Variants in BAZ2B observed in about 807,000 individuals in gnomAD.
The protein encoded by BAZ2B is bromodomain adjacent to zinc finger domain protein 2B.
Under a neutral mutation model 246.0 loss-of-function variants are expected in BAZ2B, and 91 were observed. The ratio of observed to expected loss-of-function variants is 0.37; its 90% CI spans 0.31 to 0.44. The LOEUF is 0.44. Among genes scored for constraint, BAZ2B ranks in the 20% least tolerant of loss-of-function variants. BAZ2B has a pLI of 1.00. For missense variants in BAZ2B, 2,332 were observed against 2,533.7 expected, an observed-to-expected ratio of 0.92 and a Z score of 1.71; for synonymous variants, 855 against 860.0, an observed-to-expected ratio of 0.99 and a Z score of 0.10.
rs993830295 is a variant in BAZ2B, at chr2:159,406,998, C to T, written c.2678-1884G>A. Among the ~76,000 whole-genome samples, 10 of 152,018 alleles carry T rather than the reference C, an allele frequency of 6.6e-5. No individual in the cohort carries two copies. The South Asian group carries it at 1.9e-3, about 28-fold the overall frequency. ...CTCGATCTCCTGACCTCGTGATTCA[C>T]CTGCCTCGGCCTCCCAAAGTGCTGG... On this transcript the variant is annotated intron_variant, in intron 14 of 36. Coordinates refer to ENST00000392783, the MANE Select transcript of BAZ2B (RefSeq NM_013450.4).
chr2:159,656,752 G>A, the BAZ2B span, among the ~76,000 whole-genome samples: 2 of 152,034 alleles, frequency 1.3e-5, no homozygotes, highest in Non-Finnish European at 2.9e-5. Flanking sequence ...AATGGCATAC[G>A]ATGCTGAGCA....
intron 34 of BAZ2B, among the ~76,000 whole-genome samples, chr2:159,326,181 A>G (rs996092456): frequency 7.9e-5 from 12 of 152,236 alleles, no homozygotes; most frequent in South Asian, 6.2e-4. Context: ...ATTCATCTAC[A>G]GAAGGTGTCT....
At chr2:159,699,324 C>T in the BAZ2B span, among the ~76,000 whole-genome samples, 2 of 152,224 alleles carry the variant, frequency 1.3e-5, no homozygotes, top group East Asian at 1.9e-4. Flanking sequence ...GAGAGGATTG[C>T]TTTAGGCCAG....
intron 14 of BAZ2B, among the ~76,000 whole-genome samples, chr2:159,406,779 G>A (rs529205588): frequency 3.3e-5 from 5 of 151,328 alleles, no homozygotes; most frequent in South Asian, 2.1e-4. Flanking sequence ...TTTTTGAAAC[G>A]GAGTCTTGCT....
At chr2:159,364,815 T>C (rs1021269274) in intron 27 of BAZ2B, among the ~76,000 whole-genome samples, 5 of 152,232 alleles carry the variant, frequency 3.3e-5, no homozygotes, top group Non-Finnish European at 7.3e-5. Context: ...TGTGACAGTG[T>C]TGCACACCTA....
chr2:159,488,475 A>G (rs2080087448), intron 2 of BAZ2B, among the ~76,000 whole-genome samples: 1 of 152,220 alleles, frequency 6.6e-6, no homozygotes, highest in Admixed American at 6.5e-5. Context: ...CTGTATCAAA[A>G]TATCTCATGT....
chr2:159,604,853 G>A (rs1693028781), intron 1 of BAZ2B, among the ~76,000 whole-genome samples: 1 of 152,098 alleles, frequency 6.6e-6, no homozygotes, highest in South Asian at 2.1e-4. Context: ...ACTATAAAAA[G>A]TTTGGTGAGG....
rs191499334 is a variant in BAZ2B at position 159,421,146 on chromosome 2, G to A, written c.2466+6795C>T. On this transcript the variant is annotated intron_variant, in intron 13 of 36. Transcript: ENST00000392783. ...AAAACTGATAATGGATATATTAAGT[G>A]TATCTTATACCCTATTTCTTTCTTT... is the stretch of plus-strand genomic sequence containing the variant. Among the ~76,000 whole-genome samples the A allele has an allele frequency of 2.7e-3, 416 of 151,462 alleles. 1 individual carries two copies. Among genetic ancestry groups the A allele is most frequent in the Middle Eastern group, 6.8e-3 (2 of 294 alleles).
chr2:159,475,656 C>A (rs1238312829), intron 3 of BAZ2B, among the ~76,000 whole-genome samples: 1 of 152,050 alleles, frequency 6.6e-6, no homozygotes, highest in Non-Finnish European at 1.5e-5. Flanking sequence ...AATTTTCAGC[C>A]CTTTTGCGCT....
chr2:159,453,803 T>C lies in BAZ2B; in HGVS notation c.146-2A>G. On this transcript the variant is annotated splice_acceptor_variant, in intron 3 of 36. Transcript: ENST00000392783. LOFTEE classifies it high-confidence loss of function. Reference sequence around the variant, plus strand: ...CCCCAGCTGTTCTGAATAAATGTCCTGGGAGGGAAAAAAACACACTTAAAG... The same window carrying C: ...CCCCAGCTGTTCTGAATAAATGTCCCGGGAGGGAAAAAAACACACTTAAAG... 6.3e-7 allele frequency: 1 copy of C among 1,575,754 alleles called. No individual in the cohort carries two copies. The highest frequency in any genetic ancestry group is 8.6e-7 in the Non-Finnish European group (1 of 1,159,566).
intron 2 of BAZ2B, among the ~76,000 whole-genome samples, chr2:159,503,578 T>C (rs1270230877): frequency 6.6e-6 from 1 of 152,150 alleles, no homozygotes; most frequent in Non-Finnish European, 1.5e-5. Context: ...TCTTCTTTTT[T>C]ATTTATTTAT....
At chr2:159,528,796 G>A (rs1180086644) in intron 2 of BAZ2B, among the ~76,000 whole-genome samples, 2 of 151,762 alleles carry the variant, frequency 1.3e-5, no homozygotes, top group African/African-American at 2.4e-5. Flanking sequence ...ACTTACCAAA[G>A]CATGAAAAAC....
chr2:159,385,377 A>C lies in BAZ2B; in HGVS notation c.3472-8T>G. ...TCCAAGAGCTGTTTTAGCCTATAAA[A>C]GTTTGGCATTTTTATCAGTATTACT... On this transcript the variant is annotated splice_polypyrimidine_tract_variant and splice_region_variant and intron_variant, in intron 22 of 36. Transcript: ENST00000392783. 1.2e-6 allele frequency: 2 copies of C among 1,609,460 alleles called. No homozygotes were observed. The highest frequency in any genetic ancestry group is 1.7e-6 in the Non-Finnish European group (2 of 1,177,658).
At chr2:159,590,614 G>A (rs997820989) in intron 1 of BAZ2B, among the ~76,000 whole-genome samples, 2 of 151,524 alleles carry the variant, frequency 1.3e-5, no homozygotes, top group Non-Finnish European at 3.0e-5. Flanking sequence ...TAAATAAATA[G>A]ATAGATAGAT....
At position 159,432,951 on chromosome 2, in the gene BAZ2B, C is replaced by T; in HGVS notation, c.1706G>A (p.Ser569Asn). 6.2e-7 allele frequency: 1 copy of T among 1,614,104 alleles called. No individual in the cohort carries two copies. Among genetic ancestry groups the T allele is most frequent in the Non-Finnish European group, 8.5e-7 (1 of 1,180,004 alleles). ...LHSQGKEKAV[S>N]NNVNPVKTQH... ...TGTTTTTACTGGGTTTACATTATTG[C>T]TAACTGCTTTTTCCTTCCCTTGACT... Residue 569 changes from serine to asparagine, a missense_variant, in exon 9 of 37, where the codon AGC becomes AAC. Ser to Asn is a conservative substitution (Grantham distance 46). Around this residue, in one of 9 missense-constraint regions of BAZ2B, gnomAD observed 651 missense variants for 650.9 expected, o/e 1.00. Coordinates refer to ENST00000392783, the MANE Select transcript of BAZ2B (RefSeq NM_013450.4).
the BAZ2B span, among the ~76,000 whole-genome samples, chr2:159,702,784 C>T: frequency 6.6e-6 from 1 of 152,070 alleles, no homozygotes; most frequent in Non-Finnish European, 1.5e-5. Flanking sequence ...CTCACACCTG[C>T]AATCCCAGCA....
At chr2:159,512,689 G>T (rs553803978) in intron 2 of BAZ2B, among the ~76,000 whole-genome samples, 1 of 152,268 alleles carries the variant, frequency 6.6e-6, no homozygotes, top group East Asian at 1.9e-4. Context: ...CAAACAAAAA[G>T]ATGATGATAA....
chr2:159,368,658 ACTG>A (rs2060478201), intron 27 of BAZ2B, among the ~76,000 whole-genome samples: 1 of 152,184 alleles, frequency 6.6e-6, no homozygotes, highest in South Asian at 2.1e-4. Flanking sequence ...ATAAAGTACA[ACTG>A]CTATTTATAT....
the BAZ2B span, among the ~76,000 whole-genome samples, chr2:159,711,348 C>T: frequency 6.6e-6 from 1 of 152,084 alleles, no homozygotes; most frequent in Non-Finnish European, 1.5e-5. Context: ...ACTTAAAATA[C>T]CTTTAAGTCT....
Sources: gnomAD v4.1 joint callset for allele counts (sites outside exome capture counted in the v4.1 genomes callset) on GRCh38, gnomAD v4.1.1 for gene constraint, gnomAD v4.1.1 regional missense constraint, MANE v1.5 for transcripts, NCBI Gene and HGNC (gene_info 2026-07-23, HGNC 2026-07-21) for gene names.